Variants in ABAT observed in about 807,000 individuals in gnomAD.
ABAT encodes the protein 4-aminobutyrate aminotransferase.
Under a neutral mutation model 64.6 loss-of-function variants are expected in ABAT, and 45 were observed. The ratio of observed to expected loss-of-function variants is 0.70; its 90% CI spans 0.55 to 0.89. The LOEUF (loss-of-function observed/expected upper bound fraction) is 0.89. ABAT is among the 40% of genes least tolerant of loss of function. ABAT has a pLI of 0.00. For synonymous variants in ABAT, 297 were observed against 250.5 expected, an observed-to-expected ratio of 1.19 and a Z score of -1.75; for missense variants, 633 against 658.4, an observed-to-expected ratio of 0.96 and a Z score of 0.42.
intron 1 of ABAT, among the ~76,000 whole-genome samples, chr16:8,716,730 C>T (rs1037913550): frequency 1.3e-5 from 2 of 152,222 alleles, no homozygotes; most frequent in Non-Finnish European, 2.9e-5. Context: ...GACTAAACTA[C>T]TTGTGCCTAC....
chr16:8,715,343 C>T (rs2058183282), intron 1 of ABAT: 1 of 152,068 alleles, frequency 6.6e-6, no homozygotes, highest in South Asian at 2.1e-4. Context: ...GTGGGCTGGG[C>T]TCAGTGGCTC....
chr16:8,692,438 G>A (rs893925153), intron 1 of ABAT, among the ~76,000 whole-genome samples: 10 of 152,088 alleles, frequency 6.6e-5, no homozygotes, highest in African/African-American at 1.2e-4. Context: ...AAATGCTTTC[G>A]GCAACATGGC....
intron 1 of ABAT, chr16:8,683,700 G>T (rs1437691039): frequency 6.6e-6 from 1 of 152,212 alleles, no homozygotes; most frequent in African/African-American, 2.4e-5. Context: ...AGTGATGCAA[G>T]AACAAGAACT....
intron 1 of ABAT, among the ~76,000 whole-genome samples, chr16:8,718,985 G>T (rs1010639378): frequency 6.6e-6 from 1 of 152,340 alleles, no homozygotes; most frequent in African/African-American, 2.4e-5. Flanking sequence ...GTTATACGCT[G>T]TGATTTTTGC....
intron 1 of ABAT, among the ~76,000 whole-genome samples, chr16:8,711,273 G>A (rs1213924468): frequency 6.6e-6 from 1 of 152,178 alleles, no homozygotes. Flanking sequence ...GGAGAAAGCA[G>A]AGGAAAGGTG....
At position 8,742,303 on chromosome 16, in the gene ABAT, T is replaced by A. The variant is rs140596290; in HGVS notation, c.71-3698T>A. ...TGTGTACTGCTCCCATTCCCAGTAT[T>A]TCCACACTCCGGTTCCCAAGAAATC... On this transcript the variant is annotated intron_variant, in intron 2 of 15. Transcript: ENST00000268251. Among the ~76,000 whole-genome samples, 11 of 152,314 alleles carry A rather than the reference T, an allele frequency of 7.2e-5. No homozygotes were observed. The East Asian group carries it at 2.1e-3, about 29-fold the overall frequency.
chr16:8,737,660 C>A (rs923625119), intron 2 of ABAT, among the ~76,000 whole-genome samples: 5 of 151,144 alleles, frequency 3.3e-5, no homozygotes, highest in Non-Finnish European at 5.9e-5. Context: ...CGGTGGCTCA[C>A]GCCTATAATG....
At chr16:8,743,212 C>A (rs913957316) in intron 2 of ABAT, among the ~76,000 whole-genome samples, 12 of 151,072 alleles carry the variant, frequency 7.9e-5, no homozygotes, top group Admixed American at 2.6e-4. Context: ...AATTCAGAAA[C>A]CTTCTTTGAT....
intron 6 of ABAT, 114 bp from the exon 7 acceptor site, chr16:8,763,955 C>T: frequency 1.1e-6 from 1 of 879,984 alleles, no homozygotes. Context: ...CGTCATCATC[C>T]TGCAACCCCA....
chr16:8,774,856 G>A, intron 12 of ABAT, 34 bp from the exon 13 acceptor site: 1 of 1,612,254 alleles, frequency 6.2e-7, no homozygotes, highest in Non-Finnish European at 8.5e-7. Flanking sequence ...TCCCACGGGT[G>A]TTTATTTCTC....
intron 1 of ABAT, among the ~76,000 whole-genome samples, chr16:8,726,583 A>G (rs556364292): frequency 3.3e-5 from 5 of 152,112 alleles, no homozygotes; most frequent in Non-Finnish European, 7.3e-5. Flanking sequence ...TTCTTTATCC[A>G]TTCATCTGTT....
chr16:8,732,867 T>C (rs1248594062), intron 1 of ABAT, among the ~76,000 whole-genome samples: 1 of 145,368 alleles, frequency 6.9e-6, no homozygotes, highest in East Asian at 2.2e-4. Flanking sequence ...CACTTCCCAG[T>C]AGGGGAGGCC....
intron 1 of ABAT, among the ~76,000 whole-genome samples, chr16:8,729,767 C>T (rs1050745710): frequency 1.3e-5 from 2 of 148,440 alleles, no homozygotes; most frequent in African/African-American, 5.0e-5. Context: ...TTCAAGGCTG[C>T]AGTGAGCAAT....
intron 1 of ABAT, among the ~76,000 whole-genome samples, chr16:8,711,448 A>G (rs973849391): frequency 2.0e-5 from 3 of 152,210 alleles, no homozygotes; most frequent in African/African-American, 7.2e-5. Context: ...GGAAGGAGGA[A>G]TCAGATTTCT....
At chr16:8,686,412 G>C (rs2057457343) in intron 1 of ABAT, among the ~76,000 whole-genome samples, 1 of 152,226 alleles carries the variant, frequency 6.6e-6, no homozygotes. Context: ...TTCAGAGGCA[G>C]GCTGGCAGGG....
chr16:8,713,242 C>T (rs974719682), intron 1 of ABAT: 3 of 151,262 alleles, frequency 2.0e-5, no homozygotes, highest in African/African-American at 7.3e-5. Flanking sequence ...ATCTGAAGCC[C>T]GGGATTTCTG....
At chr16:8,774,363 G>A (rs1031277479) in intron 12 of ABAT, among the ~76,000 whole-genome samples, 3 of 152,062 alleles carry the variant, frequency 2.0e-5, no homozygotes, top group African/African-American at 7.2e-5. Context: ...ACACTGATTT[G>A]CTTTCTTTAT....
At chr16:8,754,179 T>TAAAAAAAAAAAAAAAAAAAAA (rs750745519) in intron 5 of ABAT, among the ~76,000 whole-genome samples, 2 of 63,822 alleles carry the variant, frequency 3.1e-5, no homozygotes, top group African/African-American at 1.1e-4. Flanking sequence ...ACCCTGTCTA[T>TAAAAAAAAAAAAAAAAAAAAA]AAAAAAAAAA....
chr16:8,754,442 G>C (rs2059584314), intron 5 of ABAT, among the ~76,000 whole-genome samples: 1 of 152,088 alleles, frequency 6.6e-6, no homozygotes, highest in African/African-American at 2.4e-5. Flanking sequence ...GGGTGGTCTG[G>C]AAAGTCCTCA....
Sources: gnomAD v4.1 joint callset for allele counts (sites outside exome capture counted in the v4.1 genomes callset) on GRCh38, gnomAD v4.1.1 for gene constraint, MANE v1.5 for transcripts, NCBI Gene and HGNC (gene_info 2026-07-23, HGNC 2026-07-21) for gene names.